The following NOL4L variants were observed in gnomAD, a reference collection of about 807,000 sequenced individuals.
NOL4L encodes the protein nucleolar protein 4-like.
NOL4L carries 7 observed loss-of-function variants against 64.5 expected under a neutral mutation model. That is an observed-to-expected ratio of 0.11 (90% CI 0.06 to 0.20). NOL4L has a LOEUF of 0.20. Among genes scored for constraint, NOL4L ranks in the 10% least tolerant of loss-of-function variants. The probability of loss-of-function intolerance (pLI) is 1.00; values close to 1 mark genes in which losing one functional copy is unlikely to be tolerated. For synonymous variants in NOL4L, 413 were observed against 401.0 expected (o/e 1.03, Z -0.36); for missense variants, 680 against 967.1 (o/e 0.70, Z 3.94).
rs369464443 is a variant in NOL4L at position 32,456,273 on chromosome 20, T to C, written c.964A>G (p.Met322Val). The C allele has an allele frequency of 1.6e-5, 25 of 1,595,472 alleles. No individual in the cohort carries two copies. Among genetic ancestry groups the C allele is most frequent in the Middle Eastern group, 1.7e-4 (1 of 6,012 alleles). ...EMNGNGAVAP[M>V]DFTTAAEDQP... ...TCCTCGGCGGCCGTGGTGAAGTCCA[T>C]GGGGGCCACGGCGCCGTTGCCATTC... The change falls in exon 6 of 11, where the codon ATG becomes GTG. Residue 322 changes from methionine (M) to valine (V), a missense_variant. By Grantham distance (21) the Met-to-Val change is conservative (BLOSUM62 1). This residue lies in a region of NOL4L where 254 missense variants were observed against 238.7 expected (regional missense o/e 1.06). Transcript: ENST00000621426.
intron 1 of NOL4L, among the ~76,000 whole-genome samples, chr20:32,566,655 T>C (rs1386331081): frequency 1.3e-5 from 2 of 152,184 alleles, no homozygotes; most frequent in Non-Finnish European, 2.9e-5. Flanking sequence ...AATTCCCGTA[T>C]AATTTGCTCC....
At chr20:32,531,249 G>A (rs1877249059) in intron 1 of NOL4L, among the ~76,000 whole-genome samples, 1 of 152,138 alleles carries the variant, frequency 6.6e-6, no homozygotes, top group South Asian at 2.1e-4. Flanking sequence ...AAAATTTTGT[G>A]GGAAGGAATG....
intron 2 of NOL4L, among the ~76,000 whole-genome samples, chr20:32,526,912 G>A (rs2018153048): frequency 6.6e-6 from 1 of 152,222 alleles, no homozygotes. Flanking sequence ...TGGGTCAGCA[G>A]GAGATGGATC....
At chr20:32,498,250 G>A (rs1233565839) in intron 4 of NOL4L, among the ~76,000 whole-genome samples, 1 of 152,136 alleles carries the variant, frequency 6.6e-6, no homozygotes, top group Non-Finnish European at 1.5e-5. Context: ...CCCAGCTCAG[G>A]TTGCCCTCAC....
intron 4 of NOL4L, among the ~76,000 whole-genome samples, chr20:32,481,968 G>GGA (rs1555794907): frequency 6.7e-6 from 1 of 149,124 alleles, no homozygotes; most frequent in South Asian, 2.2e-4. Flanking sequence ...GCGGGGCGGG[G>GGA]GGGGGGGAGC....
chr20:32,496,576 G>A (rs1231556317), intron 4 of NOL4L, among the ~76,000 whole-genome samples: 2 of 151,120 alleles, frequency 1.3e-5, no homozygotes, highest in African/African-American at 4.9e-5. Context: ...TTTTGAGAGA[G>A]TTTCACTCTT....
intron 4 of NOL4L, among the ~76,000 whole-genome samples, chr20:32,483,828 G>A (rs2015914451): frequency 7.3e-6 from 1 of 136,384 alleles, no homozygotes; most frequent in Non-Finnish European, 1.6e-5. Flanking sequence ...AGAGAGGCGC[G>A]GGGGGAGAAG....
intron 4 of NOL4L, chr20:32,483,292 C>T: frequency 1.1e-6 from 1 of 912,422 alleles, no homozygotes; most frequent in Non-Finnish European, 1.3e-6. Context: ...CGGCAGCAGC[C>T]GGAGAAGGGG....
chr20:32,537,089 T>G, intron 1 of NOL4L: 1 of 984,866 alleles, frequency 1.0e-6, no homozygotes, highest in Non-Finnish European at 1.2e-6. Flanking sequence ...CCACCTGTCC[T>G]TTGTGCAGGG....
chr20:32,576,556 G>C (rs1310343051), intron 1 of NOL4L, among the ~76,000 whole-genome samples: 1 of 152,132 alleles, frequency 6.6e-6, no homozygotes, highest in Non-Finnish European at 1.5e-5. Context: ...TTGGGACCTT[G>C]AGTGAGTTCC....
intron 4 of NOL4L, chr20:32,509,904 T>C (rs1343994063): frequency 3.8e-6 from 5 of 1,304,090 alleles, no homozygotes; most frequent in East Asian, 1.1e-4. Flanking sequence ...GTGATAACAG[T>C]GTTTACGAAG....
intron 4 of NOL4L, among the ~76,000 whole-genome samples, chr20:32,500,431 G>A (rs927898294): frequency 1.7e-4 from 25 of 146,758 alleles, no homozygotes; most frequent in African/African-American, 6.3e-4. Context: ...TCGGCTCATT[G>A]CAAGCTCCGC....
At chr20:32,513,022 T>C (rs1488189867) in intron 3 of NOL4L, among the ~76,000 whole-genome samples, 1 of 152,250 alleles carries the variant, frequency 6.6e-6, no homozygotes, top group Non-Finnish European at 1.5e-5. Context: ...TTCAATTACT[T>C]GTTACCTGGC....
intron 1 of NOL4L, among the ~76,000 whole-genome samples, chr20:32,579,875 G>A (rs974513461): frequency 6.6e-6 from 1 of 151,634 alleles, no homozygotes; most frequent in African/African-American, 2.4e-5. Context: ...GCCCCCCCAG[G>A]ACCCAGGACA....
intron 1 of NOL4L, among the ~76,000 whole-genome samples, chr20:32,582,950 G>T (rs1029894464): frequency 6.6e-6 from 1 of 152,096 alleles, no homozygotes. Context: ...GATCGGGGGA[G>T]GGGACAATGA....
intron 1 of NOL4L, among the ~76,000 whole-genome samples, chr20:32,573,417 G>A (rs546628497): frequency 3.3e-4 from 50 of 151,968 alleles, no homozygotes; most frequent in Admixed American, 6.6e-4. Context: ...CTGAAACCCC[G>A]GCCAGTCTGA....
intron 1 of NOL4L, among the ~76,000 whole-genome samples, chr20:32,562,941 TGGAGGGGAGGGAGGGTGG>T: frequency 5.6e-4 from 1 of 1,774 alleles, no homozygotes; most frequent in Non-Finnish European, 9.9e-4. Context: ...AGAAGGAGGG[TGGAGGGGAGGGAGGGTGG>T]GGAGGGAGAG....
intron 5 of NOL4L, among the ~76,000 whole-genome samples, chr20:32,468,917 AAAAGAAAG>A (rs571287123): frequency 1.0e-3 from 115 of 109,790 alleles, no homozygotes; most frequent in Middle Eastern, 4.1e-3. Flanking sequence ...AAAAAAAAAA[AAAAGAAAG>A]AAAGAAAGAA....
At chr20:32,467,594 G>A (rs776984029) in intron 5 of NOL4L, among the ~76,000 whole-genome samples, 33 of 152,172 alleles carry the variant, frequency 2.2e-4, no homozygotes, top group Non-Finnish European at 3.1e-4. Flanking sequence ...CTGGACCAAC[G>A]GGGTGGTGCG....
Sources: gnomAD v4.1 joint callset for allele counts (sites outside exome capture counted in the v4.1 genomes callset) on GRCh38, gnomAD v4.1.1 for gene constraint, gnomAD v4.1.1 regional missense constraint, MANE v1.5 for transcripts, NCBI Gene and HGNC (gene_info 2026-07-23, HGNC 2026-07-21) for gene names.